The following LMNTD2 variants were observed in gnomAD, a reference collection of about 807,000 sequenced individuals.
LMNTD2 encodes the protein lamin tail domain-containing protein 2.
Under a neutral mutation model 70.1 loss-of-function variants are expected in LMNTD2, and 83 were observed. The observed-to-expected ratio is 1.18, with a 90% confidence interval of 0.99 to 1.42. LMNTD2 has a LOEUF of 1.42. Ranked by LOEUF, LMNTD2 falls within the 40% of genes most tolerant of loss-of-function variation. LMNTD2 has a pLI of 0.00. For synonymous variants in LMNTD2, 534 were observed against 406.1 expected (o/e 1.31, Z -3.79); for missense variants, 1,153 against 905.9 (o/e 1.27, Z -3.50).
chr11:558,484 T>C, intron 3 of LMNTD2, 130 bp downstream of exon 3: 1 of 1,240,310 alleles, frequency 8.1e-7, no homozygotes, highest in Non-Finnish European at 1.1e-6. Context: ...AGGATCAGGG[T>C]GGAGGGTCAG....
chr11:557,081 GC>G lies in LMNTD2; in HGVS notation c.729del (p.Trp243CysfsTer31). 1 of 1,600,138 alleles carries G rather than the reference GC, an allele frequency of 6.2e-7. No individual in the cohort carries two copies. Among genetic ancestry groups the G allele is most frequent in the Middle Eastern group, 1.9e-4 (1 of 5,240 alleles). On this transcript the variant is annotated frameshift_variant, in exon 8 of 14. Transcript: ENST00000329451. LOFTEE classifies it high-confidence loss of function. ...TCTGGGCTCCCTGTGTCCAGCTGTG[GC>G]CAGGGCCGGGGCTGCCTGTGGACCA... ...PSSKQKQPRP[W>X]PQLDTGSPES... is the part of the protein sequence containing the mutation.
In LMNTD2 at chr11:558,056, T is replaced by C. The variant is rs11246187; in HGVS notation, c.400-17A>G. On this transcript the variant is annotated splice_polypyrimidine_tract_variant and intron_variant, in intron 4 of 13. Coordinates refer to ENST00000329451, the MANE Select transcript of LMNTD2 (RefSeq NM_173573.3). The stretch of plus-strand genomic sequence containing the variant: ...CTCCTTCTCCTGCTCCGAGAGGGCC[T>C]GTGGTTGGTGGTGGGGGGGTGTCTT... 478 of 1,585,046 alleles carry C rather than the reference T, an allele frequency of 3.0e-4. 1 individual carries two copies. The African/African-American group carries it at 5.7e-3, about 19-fold the overall frequency.
At position 555,070 on chromosome 11, in the gene LMNTD2, G is replaced by T; in HGVS notation, c.1815C>A (p.Ala605=). 6.3e-7 allele frequency: 1 copy of T among 1,580,106 alleles called. No homozygotes were observed. The highest frequency in any genetic ancestry group is 8.6e-7 in the Non-Finnish European group (1 of 1,166,818). ...TCTCCGCCGTGTTCTGCACCGACAG[G>T]GCCACCAGGGGGCAGCTACGGTCCA... ...KSVDRSCPLV[A]LSVQNTAESR... is the part of the protein sequence containing the mutation. The change falls in exon 14 of 14, where the codon GCC becomes GCA. Residue 605 remains alanine, a synonymous_variant. Coordinates refer to ENST00000329451, the MANE Select transcript of LMNTD2 (RefSeq NM_173573.3).
chr11:558,589 T>A (rs1478464689), intron 3 of LMNTD2, 25 bp downstream of exon 3: 4 of 1,586,566 alleles, frequency 2.5e-6, no homozygotes, highest in Admixed American at 1.7e-5. Context: ...CGGGGTTGGG[T>A]TGGGCTGGGG....
At position 554,911 on chromosome 11, in the gene LMNTD2, G is replaced by A. The variant is rs1373382061; in HGVS notation, c.*69C>T. Reference sequence around the variant, plus strand: ...CGTTGGTTCAATAAATGATGCAGCGGACACAGCCCGCCCAGCCCCGGCGCC... The same window carrying A: ...CGTTGGTTCAATAAATGATGCAGCGAACACAGCCCGCCCAGCCCCGGCGCC... On this transcript the variant is annotated 3_prime_UTR_variant, in exon 14 of 14. Coordinates refer to ENST00000329451, the MANE Select transcript of LMNTD2 (RefSeq NM_173573.3). The A allele has an allele frequency of 4.4e-6, 5 of 1,144,422 alleles. No homozygotes were observed. Among genetic ancestry groups the A allele is most frequent in the South Asian group, 1.6e-5 (1 of 60,646 alleles). 70.9% of individuals were successfully genotyped at this position (1,144,422 alleles called of 1,614,324 possible).
intron 3 of LMNTD2, 158 bp downstream of exon 3, chr11:558,456 G>A (rs1853046793): frequency 2.6e-5 from 29 of 1,099,396 alleles, no homozygotes; most frequent in Non-Finnish European, 2.5e-5. Flanking sequence ...TAGGGTGGAG[G>A]CTATAGCGTG....
intron 3 of LMNTD2, 107 bp from the exon 4 acceptor site, chr11:558,355 GC>G: frequency 7.7e-7 from 1 of 1,306,558 alleles, no homozygotes; most frequent in Non-Finnish European, 1.1e-6. Context: ...TGCCACCTTG[GC>G]CCCAAGGGCA....
chr11:559,497 G>A (rs1427900100), intron 1 of LMNTD2: 2 of 1,284,666 alleles, frequency 1.6e-6, no homozygotes, highest in Non-Finnish European at 2.0e-6. Flanking sequence ...GGCCAGCCCA[G>A]CCTGGAGGAG....
Position 556,339 on chromosome 11 carries a change from C to G in LMNTD2, c.1110G>C (p.Arg370=). ...GGTTGAAGATGCGGACGAACTTCTC[C>G]CGGCAGCTCACAGCCACGATCTTCA... is the stretch of plus-strand genomic sequence containing the variant. ...TGLKIVAVSC[R]EKFVRIFNPS... The change falls in exon 10 of 14, where the codon CGG becomes CGC. Residue 370 remains arginine, a synonymous_variant. Transcript: ENST00000329451. 6.5e-7 allele frequency: 1 copy of G among 1,535,906 alleles called. No individual in the cohort carries two copies. Among genetic ancestry groups the G allele is most frequent in the Non-Finnish European group, 8.7e-7 (1 of 1,146,512 alleles).
chr11:559,147 C>A, intron 1 of LMNTD2, 168 bp from the exon 2 acceptor site: 1 of 1,464,360 alleles, frequency 6.8e-7, no homozygotes. Context: ...CACTTACTCA[C>A]AGAGCGTTGC....
At chr11:558,529 C>A (rs770672891) in intron 3 of LMNTD2, 85 bp downstream of exon 3, 2 of 1,456,948 alleles carry the variant, frequency 1.4e-6, no homozygotes, top group South Asian at 2.7e-5. Context: ...TCTGCCTCAG[C>A]GGTTGGGGTT....
rs2134093788 is a variant in LMNTD2, at chr11:556,054, G to A, written c.1319C>T (p.Pro440Leu). ...GCCGCGGATGGAGAGGAGGGGAACG[G>A]GCTCCCGGCTCGAGGACGCGCGCAG... ...KPLRASSSRE[P>L]VPLLSIRGCA... The change falls in exon 11 of 14, where the codon CCC becomes CTC. Residue 440 changes from proline (P) to leucine (L), a missense_variant. Physicochemically the swap from Pro to Leu is moderately conservative, Grantham distance 98 (BLOSUM62 -3). Coordinates refer to ENST00000329451, the MANE Select transcript of LMNTD2 (RefSeq NM_173573.3). The A allele has an allele frequency of 1.3e-6, 2 of 1,550,544 alleles. No homozygotes were observed. The highest frequency in any genetic ancestry group is 1.7e-6 in the Non-Finnish European group (2 of 1,159,056).
chr11:554,860 A>G lies in LMNTD2; in HGVS notation c.*120T>C. On this transcript the variant is annotated 3_prime_UTR_variant, in exon 14 of 14. Transcript: ENST00000329451. ...CAACATTTCCAGCTCTCAGGTGTAC[A>G]GAAATGCGGTTTACTTTGTAGGCCA... 1 of 699,330 alleles carries G rather than the reference A, an allele frequency of 1.4e-6. No homozygotes were observed. The highest frequency in any genetic ancestry group is 4.2e-4 in the Middle Eastern group (1 of 2,388). The allele number at this position is 699,330 out of a possible 1,614,324, so 43.3% of individuals were successfully genotyped here.
At chr11:560,360 G>A (rs1186373710) in intron 1 of LMNTD2, 22 of 1,170,076 alleles carry the variant, frequency 1.9e-5, no homozygotes, top group Non-Finnish European at 2.2e-5. Flanking sequence ...GGAAGGTGTC[G>A]GAGAAGAGCC....
In LMNTD2 at chr11:557,047, C is replaced by A; in HGVS notation, c.764G>T (p.Gly255Val). 1 of 1,608,902 alleles carries A rather than the reference C, an allele frequency of 6.2e-7. No individual in the cohort carries two copies. Among genetic ancestry groups the A allele is most frequent in the Non-Finnish European group, 8.5e-7 (1 of 1,178,646 alleles). The change falls in exon 8 of 14, where the codon GGA (glycine) becomes GTA (valine). Residue 255 changes from glycine (G) to valine (V), a missense_variant. Coordinates refer to ENST00000329451, the MANE Select transcript of LMNTD2 (RefSeq NM_173573.3). ...QLDTGSPESS[G>V]KHSERHHKTV... Reference sequence around the variant, plus strand: ...CTTGTGATGCCGCTCGGAATGCTTTCCAGAGGACTCTGGGCTCCCTGTGTC... The same window carrying A: ...CTTGTGATGCCGCTCGGAATGCTTTACAGAGGACTCTGGGCTCCCTGTGTC...
intron 1 of LMNTD2, chr11:559,520 G>T: frequency 7.9e-7 from 1 of 1,267,124 alleles, no homozygotes; most frequent in Non-Finnish European, 1.0e-6. Context: ...GTGAGAGGCT[G>T]AGCCACTGCT....
chr11:557,972 A>G lies in LMNTD2; in HGVS notation c.467T>C (p.Leu156Pro). ...TRTLQEMEAE[L>P]QNLQKSCLLQ... ...GAGGCAGGACTTCTGCAAGTTCTGC[A>G]GCTCGGCCTCCATCTCCTGGAGCGT... The change falls in exon 5 of 14, where the codon CTG becomes CCG. Residue 156 changes from leucine (L) to proline (P), a missense_variant. Transcript: ENST00000329451. 2 of 1,600,446 alleles carry G rather than the reference A, an allele frequency of 1.2e-6. No homozygotes were observed. The highest frequency in any genetic ancestry group is 1.7e-5 in the Admixed American group (1 of 59,058).
rs755798455 is a variant in LMNTD2, at chr11:558,741, G to C, written c.184C>G (p.Arg62Gly). 6.2e-7 allele frequency: 1 copy of C among 1,608,778 alleles called. No homozygotes were observed. The highest frequency in any genetic ancestry group is 8.5e-7 in the Non-Finnish European group (1 of 1,178,152). The change falls in exon 3 of 14, where the codon CGC becomes GGC. Residue 62 changes from arginine (R) to glycine (G), a missense_variant. By Grantham distance (125) the Arg-to-Gly change is moderately radical. Transcript: ENST00000329451. ...TGTCTCCACAGCAGCCGCAGTGTGCGAGGGTCCAGGGACTCAAGAGCCAAC... is the reference window on the plus strand; with the variant it reads ...TGTCTCCACAGCAGCCGCAGTGTGCCAGGGTCCAGGGACTCAAGAGCCAAC... ...PQLALESLDP[R>G]TLRLLWRQRE... is the part of the protein sequence containing the mutation.
In LMNTD2 at chr11:557,993, A is replaced by T; in HGVS notation, c.446T>A (p.Leu149His). 6.3e-7 allele frequency: 1 copy of T among 1,597,716 alleles called. No homozygotes were observed. The highest frequency in any genetic ancestry group is 8.5e-7 in the Non-Finnish European group (1 of 1,170,636). Residue 149 changes from leucine (L) to histidine (H), a missense_variant, in exon 5 of 14, where the codon CTC becomes CAC. Coordinates refer to ENST00000329451, the MANE Select transcript of LMNTD2 (RefSeq NM_173573.3). Reference protein sequence around the residue: ...EERLLQTTRTLQEMEAELQNL... With the variant: ...EERLLQTTRTHQEMEAELQNL... ...CTGCAGCTCGGCCTCCATCTCCTGGAGCGTGCGGGTGGTCTGCAGCAGCCG... is the reference window on the plus strand; with the variant it reads ...CTGCAGCTCGGCCTCCATCTCCTGGTGCGTGCGGGTGGTCTGCAGCAGCCG...
Sources: allele counts gnomAD v4.1 joint callset, GRCh38; gene constraint gnomAD v4.1.1; transcripts MANE v1.5; gene names NCBI Gene and HGNC (gene_info 2026-07-23, HGNC 2026-07-21).